SMARCD3: variants seen among roughly 807,000 people sequenced by gnomAD.
SMARCD3 encodes the protein SWI/SNF related BAF chromatin remodeling complex subunit D3.
SMARCD3 carries 14 observed loss-of-function variants against 58.0 expected under a neutral mutation model. The observed-to-expected ratio is 0.24, with a 90% CI of 0.16 to 0.38. SMARCD3 has a LOEUF of 0.38. Among genes scored for constraint, SMARCD3 ranks in the 10% least tolerant of loss-of-function variants. The probability of loss-of-function intolerance (pLI) is 1.00; values close to 1 mark genes in which losing one functional copy is unlikely to be tolerated. For synonymous variants in SMARCD3, 253 were observed against 253.8 expected (o/e 1.00, Z 0.03); for missense variants, 408 against 636.9 (o/e 0.64, Z 3.87).
At chr7:151,254,733 G>A (rs3789823) in intron 2 of SMARCD3, among the ~76,000 whole-genome samples, 97,015 of 152,026 alleles carry the variant, frequency 0.64, 31,648 homozygotes, top group East Asian at 0.85. Flanking sequence ...CAGTGTCAGG[G>A]CAATCCTAGT....
chr7:151,252,134 T>A (rs1234099293), upstream of SMARCD3, among the ~76,000 whole-genome samples: 1 of 151,978 alleles, frequency 6.6e-6, no homozygotes, highest in Non-Finnish European at 1.5e-5. Flanking sequence ...CCAGCCGCAG[T>A]CCCGCCCTCC....
intron 1 of SMARCD3, among the ~76,000 whole-genome samples, chr7:151,275,487 G>T (rs1584902869): frequency 6.6e-6 from 1 of 152,340 alleles, no homozygotes; most frequent in East Asian, 1.9e-4. Context: ...CCAGGGTCCT[G>T]CGGGACAAAG....
chr7:151,254,752 G>C (rs981142674), intron 2 of SMARCD3, among the ~76,000 whole-genome samples: 18 of 152,168 alleles, frequency 1.2e-4, no homozygotes, highest in African/African-American at 4.1e-4. Flanking sequence ...GTGGCCCAGC[G>C]TCCTGCCCCT....
rs1219228157 is a variant in SMARCD3 at position 151,242,852 on chromosome 7, G to A, written c.334-9C>T. 1 of 1,613,924 alleles carries A rather than the reference G, an allele frequency of 6.2e-7. No homozygotes were observed. Among genetic ancestry groups the A allele is most frequent in the Non-Finnish European group, 8.5e-7 (1 of 1,179,956 alleles). ...GGGACCAGCTCCCGAATCTGGAGAA[G>A]GAGGAGCAGGGCAGGAGTCAGAGGC... On this transcript the variant is annotated splice_polypyrimidine_tract_variant and intron_variant, in intron 3 of 12. Transcript: ENST00000262188. This position sits in a 1 kb window ranked among gnomAD's most constrained non-coding sequence, Gnocchi z 4.7.
At chr7:151,270,112 A>G (rs1795130504) in intron 2 of SMARCD3, among the ~76,000 whole-genome samples, 1 of 152,066 alleles carries the variant, frequency 6.6e-6, no homozygotes, top group East Asian at 1.9e-4. Flanking sequence ...TTGGAGGGAG[A>G]AAGGGGTTTC....
intron 2 of SMARCD3, chr7:151,275,091 C>A: frequency 6.2e-7 from 1 of 1,606,782 alleles, no homozygotes; most frequent in Non-Finnish European, 8.5e-7. Flanking sequence ...TGCTCCTGGG[C>A]TGGCAGGGGA....
chr7:151,248,746 G>GCCGC (rs1272730054), upstream of SMARCD3: 99 of 1,139,948 alleles, frequency 8.7e-5, no homozygotes, highest in South Asian at 2.9e-3. The surrounding 1 kb of genome is among the most constrained non-coding windows in gnomAD (Gnocchi z 6.1). Flanking sequence ...CCACGCCGCC[G>GCCGC]CCGCCCGCCC....
chr7:151,249,871 C>T (rs1803455540), upstream of SMARCD3, among the ~76,000 whole-genome samples: 1 of 151,938 alleles, frequency 6.6e-6, no homozygotes, highest in Non-Finnish European at 1.5e-5. The surrounding 1 kb of genome is among the most constrained non-coding windows in gnomAD (Gnocchi z 4.8). Flanking sequence ...CTGACATACC[C>T]AGGCAGGGAG....
chr7:151,268,388 C>A (rs1288565682), intron 2 of SMARCD3, among the ~76,000 whole-genome samples: 1 of 152,166 alleles, frequency 6.6e-6, no homozygotes, highest in Non-Finnish European at 1.5e-5. Flanking sequence ...CTCCCCATTC[C>A]CTATTTTAGG....
chr7:151,241,582 A>G lies in SMARCD3; in HGVS notation c.849T>C (p.Ile283=), dbSNP rs756066902. 3 of 1,611,402 alleles carry G rather than the reference A, an allele frequency of 1.9e-6. No homozygotes were observed. Among genetic ancestry groups the G allele is most frequent in the Non-Finnish European group, 2.5e-6 (3 of 1,178,860 alleles). The change falls in exon 8 of 13, where the codon ATT becomes ATC. Residue 283 remains isoleucine, a synonymous_variant. Transcript: ENST00000262188. The surrounding 1 kb of genome is among the most constrained non-coding windows in gnomAD (Gnocchi z 5.3). Reference sequence around the variant, plus strand: ...TCACATACTGCCACAGGGCCTGGACAATGGCTGAGCGGCTCTGTGTGTGCA... The same window carrying G: ...TCACATACTGCCACAGGGCCTGGACGATGGCTGAGCGGCTCTGTGTGTGCA... ...LGLHTQSRSA[I]VQALWQYVKT... is the part of the protein sequence containing the mutation.
chr7:151,243,513 C>T lies in SMARCD3; in HGVS notation c.333+146G>A. On this transcript the variant is annotated intron_variant, in intron 3 of 12. Coordinates refer to ENST00000262188, the MANE Select transcript of SMARCD3 (RefSeq NM_001003801.2). This position sits in a 1 kb window ranked among gnomAD's most constrained non-coding sequence, Gnocchi z 4.4. ...CCTCCACCTCACCCCCTCCCTCTGG[C>T]CTGCGGAGCCTCACTTATTAATGAG... 1.5e-6 allele frequency: 1 copy of T among 656,188 alleles called. No individual in the cohort carries two copies. The highest frequency in any genetic ancestry group is 2.8e-6 in the Non-Finnish European group (1 of 362,624). 40.6% of individuals were successfully genotyped at this position (656,188 alleles called of 1,614,324 possible). A position where few individuals can be genotyped will look rare whatever the true frequency, so the allele number is the denominator to read the frequency against.
chr7:151,241,441 C>G lies in SMARCD3; in HGVS notation c.939+51G>C, dbSNP rs1364649098. 2.0e-6 allele frequency: 3 copies of G among 1,535,962 alleles called. No individual in the cohort carries two copies. The highest frequency in any genetic ancestry group is 2.7e-6 in the Non-Finnish European group (3 of 1,119,006). On this transcript the variant is annotated intron_variant, in intron 8 of 12. Coordinates refer to ENST00000262188, the MANE Select transcript of SMARCD3 (RefSeq NM_001003801.2). The surrounding 1 kb of genome is among the most constrained non-coding windows in gnomAD (Gnocchi z 5.3). ...TACCTTGGTAGAGGTACTTCCCCTG[C>G]TGGAGAACTCCGCCTGCTCCCCAGA...
Position 151,242,782 on chromosome 7 carries a change from A to C in SMARCD3, c.395T>G (p.Leu132Arg). 3 of 1,614,124 alleles carry C rather than the reference A, an allele frequency of 1.9e-6. No homozygotes were observed. The highest frequency in any genetic ancestry group is 2.5e-6 in the Non-Finnish European group (3 of 1,180,010). ...YMDLLAFERK[L>R]DQTIMRKRVD... ...CCGCTTCCGCATGATGGTTTGATCC[A>C]GTTTCCTCTCAAATGCCAAGAGGTC... The change falls in exon 4 of 13, where the codon CTG (leucine) becomes CGG (arginine). Residue 132 changes from leucine to arginine, a missense_variant. This residue lies in a region of SMARCD3 where 128 missense variants were observed against 188.8 expected (regional missense o/e 0.68). Coordinates refer to ENST00000262188, the MANE Select transcript of SMARCD3 (RefSeq NM_001003801.2). The surrounding 1 kb of genome is among the most constrained non-coding windows in gnomAD (Gnocchi z 4.7).
chr7:151,245,489 C>A lies in SMARCD3; in HGVS notation c.261G>T (p.Pro87=), dbSNP rs908334161. 2.5e-6 allele frequency: 3 copies of A among 1,224,464 alleles called. No homozygotes were observed. Among genetic ancestry groups the A allele is most frequent in the Non-Finnish European group, 3.1e-6 (3 of 982,924 alleles). The allele number at this position is 1,224,464 out of a possible 1,614,324, so 75.8% of individuals were successfully genotyped here. A position where few individuals can be genotyped will look rare whatever the true frequency, so the allele number is the denominator to read the frequency against. The change falls in exon 2 of 13, where the codon CCG becomes CCT. Residue 87 remains proline (P), a synonymous_variant. Coordinates refer to ENST00000262188, the MANE Select transcript of SMARCD3 (RefSeq NM_001003801.2). The surrounding 1 kb of genome is among the most constrained non-coding windows in gnomAD (Gnocchi z 6.2). The stretch of plus-strand genomic sequence containing the variant: ...GGCTCCGCGCGGGGGCGGTGGGCAC[C>A]GGCTGGCCCTGGCTCTGTGCCTGGC... ...GQSQAQSQGQ[P]VPTAPARSRS... is the part of the protein sequence containing the mutation.
chr7:151,248,752 C>G, upstream of SMARCD3: 4 of 1,077,256 alleles, frequency 3.7e-6, no homozygotes, highest in Non-Finnish European at 4.6e-6. The surrounding 1 kb of genome is among the most constrained non-coding windows in gnomAD (Gnocchi z 6.1). Context: ...CGCCGCCGCC[C>G]GCCCGCCGCC....
chr7:151,240,060 C>T, intron 10 of SMARCD3, 52 bp downstream of exon 10: 7 of 1,603,316 alleles, frequency 4.4e-6, no homozygotes, highest in Non-Finnish European at 6.0e-6. Context: ...GAAAAGTCTC[C>T]TCTATCATCT....
chr7:151,256,887 G>A (rs1034811898), intron 2 of SMARCD3, among the ~76,000 whole-genome samples: 3 of 151,966 alleles, frequency 2.0e-5, no homozygotes, highest in African/African-American at 4.8e-5. Flanking sequence ...ACAGCCAGCC[G>A]TGCCTCCGTG....
chr7:151,243,724 AC>A lies in SMARCD3; in HGVS notation c.291-24del. 6.3e-7 allele frequency: 1 copy of A among 1,581,396 alleles called. No homozygotes were observed. The highest frequency in any genetic ancestry group is 8.7e-7 in the Non-Finnish European group (1 of 1,150,366). On this transcript the variant is annotated intron_variant, in intron 2 of 12. Transcript: ENST00000262188. This position sits in a 1 kb window ranked among gnomAD's most constrained non-coding sequence, Gnocchi z 4.4. Reference sequence around the variant, plus strand: ...GCACTGTACATTTTTTAAAGAAAAAACCAGGTTACCATGGCGACAGATCTGG... The same window carrying A: ...GCACTGTACATTTTTTAAAGAAAAAACAGGTTACCATGGCGACAGATCTGG...
In SMARCD3 at chr7:151,239,615, C is replaced by G. The variant is rs767288835; in HGVS notation, c.1296+9G>C. The G allele has an allele frequency of 6.2e-7, 1 of 1,614,052 alleles. No individual in the cohort carries two copies. Among genetic ancestry groups the G allele is most frequent in the Admixed American group, 1.7e-5 (1 of 60,020 alleles). On this transcript the variant is annotated intron_variant, in intron 11 of 12. Transcript: ENST00000262188. This position sits in a 1 kb window ranked among gnomAD's most constrained non-coding sequence, Gnocchi z 7.0. ...TCCACTCCAGTACTCCCTGAGTCTC[C>G]CTCTTCACCTTGAGGTCCCGGCTCT...
Sources: allele counts gnomAD v4.1 joint callset (sites outside exome capture counted in the v4.1 genomes callset), GRCh38; gene constraint gnomAD v4.1.1; regional missense constraint gnomAD v4.1.1; non-coding constraint Gnocchi (gnomAD v3.1); transcripts MANE v1.5; gene names NCBI Gene and HGNC (gene_info 2026-07-23, HGNC 2026-07-21).